FHOD3: variants seen among roughly 807,000 people sequenced by gnomAD.
The protein encoded by FHOD3 is FH1/FH2 domain-containing protein 3.
FHOD3 carries 90 observed loss-of-function variants against 173.0 expected under a neutral mutation model. The observed-to-expected ratio is 0.52, with a 90% confidence interval of 0.44 to 0.62. FHOD3 has a LOEUF of 0.62. Among genes scored for constraint, FHOD3 ranks in the 20% least tolerant of loss-of-function variants. The probability of loss-of-function intolerance (pLI) is 0.00; values close to 1 mark genes in which losing one functional copy is unlikely to be tolerated. For missense variants in FHOD3, 1,945 were observed against 2,034.7 expected, an observed-to-expected ratio of 0.96 and a Z score of 0.85; for synonymous variants, 828 against 823.0, an observed-to-expected ratio of 1.01 and a Z score of -0.10.
intron 5 of FHOD3, among the ~76,000 whole-genome samples, chr18:36,573,010 C>G (rs894885136): frequency 6.6e-6 from 1 of 151,426 alleles, no homozygotes. Context: ...GTGCCGAATT[C>G]TTGGAGCTCT....
At position 36,718,098 on chromosome 18, in the gene FHOD3, C is replaced by G. The variant is rs373880183; in HGVS notation, c.2800C>G (p.Arg934Gly). 4.6e-5 allele frequency: 73 copies of G among 1,599,224 alleles called. No homozygotes were observed. Among genetic ancestry groups the G allele is most frequent in the Non-Finnish European group, 5.7e-5 (67 of 1,172,222 alleles). Residue 934 changes from arginine to glycine, a missense_variant, in exon 19 of 29, where the codon CGG becomes GGG. Around this residue, in one of 5 missense-constraint regions of FHOD3, gnomAD observed 1,099 missense variants for 1,051.2 expected, o/e 1.05. Coordinates refer to ENST00000590592, the MANE Select transcript of FHOD3 (RefSeq NM_001281740.3). ...RRVDVGCLDN[R>G]GSVKAFAEKF... ...GGTGGATGTCGGCTGTTTGGACAAT[C>G]GGGGCAGTGTGAAAGCATTTGCTGA... is the stretch of plus-strand genomic sequence containing the variant.
At chr18:36,606,468 C>T (rs547231434) in intron 8 of FHOD3, among the ~76,000 whole-genome samples, 4 of 152,122 alleles carry the variant, frequency 2.6e-5, no homozygotes, top group Non-Finnish European at 5.9e-5. Flanking sequence ...TCCGATTTAC[C>T]TCCTTTCAAC....
intron 1 of FHOD3, among the ~76,000 whole-genome samples, chr18:36,305,038 C>T (rs1357170657): frequency 1.3e-5 from 2 of 152,078 alleles, no homozygotes; most frequent in Non-Finnish European, 2.9e-5. Flanking sequence ...ACCTTGGCAC[C>T]CTTATAATTA....
At chr18:36,437,230 A>G (rs968947437) in intron 3 of FHOD3, among the ~76,000 whole-genome samples, 2 of 151,822 alleles carry the variant, frequency 1.3e-5, no homozygotes, top group Non-Finnish European at 2.9e-5. Flanking sequence ...TGATCCTCCC[A>G]CCCAAGCCTC....
chr18:36,701,419 T>A (rs2039582428), intron 17 of FHOD3, among the ~76,000 whole-genome samples: 1 of 152,200 alleles, frequency 6.6e-6, no homozygotes. Flanking sequence ...AAATTGCTTC[T>A]TTTTTATCCT....
chr18:36,721,040 A>G (rs562416738), intron 19 of FHOD3, among the ~76,000 whole-genome samples: 4 of 152,268 alleles, frequency 2.6e-5, no homozygotes, highest in East Asian at 3.9e-4. Context: ...ACTGCAGCCA[A>G]TTTGGTCCGT....
chr18:36,317,896 T>G (rs1041249728), intron 1 of FHOD3, among the ~76,000 whole-genome samples: 8 of 152,230 alleles, frequency 5.3e-5, no homozygotes, highest in Non-Finnish European at 8.8e-5. Context: ...CTTGAGTTAA[T>G]TTTTGTATAA....
At chr18:36,445,540 G>A (rs1412872447) in intron 3 of FHOD3, among the ~76,000 whole-genome samples, 1 of 152,210 alleles carries the variant, frequency 6.6e-6, no homozygotes, top group Non-Finnish European at 1.5e-5. Flanking sequence ...TGTAAATGGA[G>A]TGGTACCCTG....
chr18:36,469,501 G>C (rs1208784322), intron 3 of FHOD3, among the ~76,000 whole-genome samples: 1 of 152,124 alleles, frequency 6.6e-6, no homozygotes, highest in Non-Finnish European at 1.5e-5. Flanking sequence ...CTCTCTTCAA[G>C]GTATTCACCA....
At chr18:36,425,916 T>C (rs2050217010) in intron 3 of FHOD3, among the ~76,000 whole-genome samples, 1 of 151,876 alleles carries the variant, frequency 6.6e-6, no homozygotes, top group Admixed American at 6.6e-5. Context: ...TTTTTTTTTT[T>C]TCGAGACGAA....
intron 3 of FHOD3, among the ~76,000 whole-genome samples, chr18:36,482,854 C>CAGAGAGAGAGAGAG (rs1405818047): frequency 1.2e-3 from 118 of 97,876 alleles, no homozygotes; most frequent in African/African-American, 4.6e-3. Flanking sequence ...CACTCACACA[C>CAGAGAGAGAGAGAG]ACACAGAGAG....
chr18:36,545,789 G>A (rs923735393), intron 5 of FHOD3, among the ~76,000 whole-genome samples: 9 of 152,268 alleles, frequency 5.9e-5, no homozygotes, highest in African/African-American at 2.2e-4. Flanking sequence ...ATGAACTGTT[G>A]AATTGTTGCT....
chr18:36,718,382 C>CCCTTT lies in FHOD3; in HGVS notation c.3084_3085insCCTTT (p.Phe1029ProfsTer41). On this transcript the variant is annotated frameshift_variant, in exon 19 of 29. Transcript: ENST00000590592. LOFTEE classifies it high-confidence loss of function. Reference sequence around the variant, plus strand: ...GGCCACCTCCCCCACCCCCACCCACCTTTCTGGGTTTGCCGCCCCCACCCC... The same window carrying CCCTTT: ...GGCCACCTCCCCCACCCCCACCCACCCCTTTTTTCTGGGTTTGCCGCCCCCACCCC... 2.7e-6 allele frequency: 4 copies of CCCTTT among 1,495,072 alleles called. No homozygotes were observed. Among genetic ancestry groups the CCCTTT allele is most frequent in the East Asian group, 4.8e-5 (2 of 41,970 alleles). The allele number at this position is 1,495,072 out of a possible 1,614,324, so 92.6% of individuals were successfully genotyped here.
chr18:36,627,342 G>T (rs1468531692), intron 10 of FHOD3, among the ~76,000 whole-genome samples: 1 of 152,170 alleles, frequency 6.6e-6, no homozygotes, highest in African/African-American at 2.4e-5. Context: ...GCTTCATCAT[G>T]TTTGTTCCTT....
chr18:36,656,583 T>C (rs1300524789), intron 13 of FHOD3, among the ~76,000 whole-genome samples: 3 of 152,210 alleles, frequency 2.0e-5, no homozygotes, highest in African/African-American at 7.2e-5. Context: ...AAATTTCTTA[T>C]TGAAAACTGA....
intron 5 of FHOD3, among the ~76,000 whole-genome samples, chr18:36,563,706 A>G (rs1196756939): frequency 6.6e-6 from 1 of 152,130 alleles, no homozygotes. Context: ...ACTGTCTTAG[A>G]AGCAAAAATC....
intron 5 of FHOD3, among the ~76,000 whole-genome samples, chr18:36,529,622 C>G (rs1023139554): frequency 6.6e-6 from 1 of 151,782 alleles, no homozygotes; most frequent in Admixed American, 6.6e-5. Context: ...AGTTTGAGAC[C>G]AGCCTGGCCA....
chr18:36,661,306 G>A (rs1192889737), intron 14 of FHOD3, among the ~76,000 whole-genome samples: 1 of 151,968 alleles, frequency 6.6e-6, no homozygotes, highest in East Asian at 1.9e-4. Context: ...ACCTATGCAA[G>A]TATTTTTTGC....
intron 5 of FHOD3, among the ~76,000 whole-genome samples, chr18:36,569,364 ATAAT>A (rs1184871141): frequency 1.3e-5 from 2 of 152,232 alleles, no homozygotes; most frequent in Non-Finnish European, 2.9e-5. Flanking sequence ...AGCAAAGAAA[ATAAT>A]TAGAGGCAAA....
Sources: gnomAD v4.1 joint callset for allele counts (sites outside exome capture counted in the v4.1 genomes callset) on GRCh38, gnomAD v4.1.1 for gene constraint, gnomAD v4.1.1 regional missense constraint, MANE v1.5 for transcripts, NCBI Gene and HGNC (gene_info 2026-07-23, HGNC 2026-07-21) for gene names.